The following C15orf39 variants were observed in gnomAD, a reference collection of about 807,000 sequenced individuals.
C15orf39 encodes PRMT2 interacting protein.
A neutral mutation model predicts 53.9 loss-of-function variants in C15orf39; 24 were observed. The ratio of observed to expected loss-of-function variants is 0.45; its 90% confidence interval spans 0.32 to 0.63. The LOEUF (loss-of-function observed/expected upper bound fraction) is 0.63. Ranked by LOEUF, C15orf39 falls within the 20% of genes least tolerant of loss-of-function variation. The pLI, the probability that C15orf39 is intolerant of heterozygous loss-of-function variation, is 0.04. For missense variants in C15orf39, 1,271 were observed against 1,347.9 expected (o/e 0.94, Z 0.89); for synonymous variants, 569 against 576.5 (o/e 0.99, Z 0.19).
At position 75,206,336 on chromosome 15, in the gene C15orf39, G is replaced by A. The variant is rs200766020; in HGVS notation, c.288G>A (p.Ser96=). The change falls in exon 2 of 3, where the codon TCG becomes TCA. Residue 96 remains serine, a synonymous_variant. Coordinates refer to ENST00000394987, the MANE Select transcript of C15orf39 (RefSeq NM_015492.5). ...NLLTNCLFYR[S]PAEGPEKMQD... ...TGACCAACTGCCTGTTCTACCGCTC[G>A]CCAGCAGAAGGCCCTGAGAAGATGC... 2.2e-5 allele frequency: 36 copies of A among 1,614,034 alleles called. No individual in the cohort carries two copies. Among genetic ancestry groups the A allele is most frequent in the Admixed American group, 5.0e-5 (3 of 60,002 alleles).
In C15orf39 at chr15:75,210,761, C is replaced by T; in HGVS notation, c.2789C>T (p.Thr930Ile). ...CVRRQLGDFDTEAGAVSSSEP... is the reference protein window; with the variant it reads ...CVRRQLGDFDIEAGAVSSSEP... ...GTTCGTTTTCCAGGTGACTTTGACACTGAGGCTGGAGCTGTGTCCTCCTCA... is the reference window on the plus strand; with the variant it reads ...GTTCGTTTTCCAGGTGACTTTGACATTGAGGCTGGAGCTGTGTCCTCCTCA... Residue 930 changes from threonine (T) to isoleucine (I), a missense_variant, in exon 3 of 3, where the codon ACT becomes ATT. Thr to Ile is a moderately conservative substitution (Grantham distance 89, BLOSUM62 -1). Transcript: ENST00000394987. 1 of 1,601,222 alleles carries T rather than the reference C, an allele frequency of 6.2e-7. No individual in the cohort carries two copies. Among genetic ancestry groups the T allele is most frequent in the Non-Finnish European group, 8.5e-7 (1 of 1,170,190 alleles).
Position 75,206,488 on chromosome 15 carries a change from G to A in C15orf39, c.440G>A (p.Gly147Glu). Residue 147 changes from glycine (G) to glutamate (E), a missense_variant, in exon 2 of 3, where the codon GGG becomes GAG. Coordinates refer to ENST00000394987, the MANE Select transcript of C15orf39 (RefSeq NM_015492.5). ...TGCTATGGGCTCTCAACTTGTCTGGGGGAAGGAGCAGTGAAGAGGCCACTG... is the reference window on the plus strand; with the variant it reads ...TGCTATGGGCTCTCAACTTGTCTGGAGGAAGGAGCAGTGAAGAGGCCACTG... ...PLCYGLSTCL[G>E]EGAVKRPLDV... is the part of the protein sequence containing the mutation. 1 of 1,614,048 alleles carries A rather than the reference G, an allele frequency of 6.2e-7. No individual in the cohort carries two copies. The highest frequency in any genetic ancestry group is 8.5e-7 in the Non-Finnish European group (1 of 1,179,992).
chr15:75,206,865 C>T lies in C15orf39; in HGVS notation c.817C>T (p.His273Tyr), dbSNP rs1281183003. The change falls in exon 2 of 3, where the codon CAC becomes TAC. Residue 273 changes from histidine to tyrosine, a missense_variant. Physicochemically the swap from His to Tyr is moderately conservative, Grantham distance 83. Transcript: ENST00000394987. ...CGGGCCCACCCACTACCCACCACCCCACCACCCACCACCCCACCCTCCACA... is the reference window on the plus strand; with the variant it reads ...CGGGCCCACCCACTACCCACCACCCTACCACCCACCACCCCACCCTCCACA... ...DTGPTHYPPP[H>Y]HPPPHPPQAL... 1.3e-6 allele frequency: 2 copies of T among 1,482,716 alleles called. No individual in the cohort carries two copies. The highest frequency in any genetic ancestry group is 4.9e-5 in the East Asian group (2 of 40,480). The allele number at this position is 1,482,716 out of a possible 1,614,324, so 91.8% of individuals were successfully genotyped here.
Position 75,208,713 on chromosome 15 carries a change from C to T in C15orf39, c.2665C>T (p.Leu889=). 4 of 1,607,264 alleles carry T rather than the reference C, an allele frequency of 2.5e-6. No homozygotes were observed. Among genetic ancestry groups the T allele is most frequent in the Non-Finnish European group, 3.4e-6 (4 of 1,179,662 alleles). The change falls in exon 2 of 3, where the codon CTG becomes TTG. Residue 889 remains leucine, a synonymous_variant. Transcript: ENST00000394987. The part of the protein sequence containing the change: ...SEERALRELA[L]PGCTSRMLKL... ...GGAGCGGGCACTGCGGGAGCTCGCC[C>T]TGCCAGGCTGCACCTCACGCATGCT... is the stretch of plus-strand genomic sequence containing the variant.
At chr15:75,204,895 G>A (rs925189229) in intron 1 of C15orf39, among the ~76,000 whole-genome samples, 6 of 152,192 alleles carry the variant, frequency 3.9e-5, no homozygotes. Context: ...GCAGCTTGGG[G>A]GCTGGGGGTG....
chr15:75,208,817 C>T lies in C15orf39; in HGVS notation c.2769C>T (p.Arg923=), dbSNP rs187734697. 223 of 1,594,380 alleles carry T rather than the reference C, an allele frequency of 1.4e-4. 1 individual carries two copies. In the East Asian group the frequency reaches 4.6e-3, roughly 33 times the overall value. ...LGLQWRDCVR[R]QLGDFDTEAG... is the part of the protein sequence containing the mutation. Reference sequence around the variant, plus strand: ...TGCAGTGGCGCGACTGTGTACGCCGCCAGCTGGGTGAGCATGGGGCAGCCC... The same window carrying T: ...TGCAGTGGCGCGACTGTGTACGCCGTCAGCTGGGTGAGCATGGGGCAGCCC... The change falls in exon 2 of 3, where the codon CGC becomes CGT. Residue 923 remains arginine, a synonymous_variant. Transcript: ENST00000394987.
chr15:75,210,795 T>C lies in C15orf39; in HGVS notation c.2823T>C (p.Thr941=). The C allele has an allele frequency of 3.1e-6, 5 of 1,613,760 alleles. No individual in the cohort carries two copies. The highest frequency in any genetic ancestry group is 4.2e-6 in the Non-Finnish European group (5 of 1,179,828). ...EAGAVSSSEP[T]VARGEPESLA... is the part of the protein sequence containing the mutation. ...GAGCTGTGTCCTCCTCAGAGCCCAC[T>C]GTGGCCAGAGGTGAGCCAGAGAGCC... The change falls in exon 3 of 3, where the codon ACT becomes ACC. Residue 941 remains threonine (T), a synonymous_variant. Transcript: ENST00000394987.
Position 75,207,468 on chromosome 15 carries a change from C to T in C15orf39, c.1420C>T (p.Pro474Ser). ...AGACAGTCCAGTTCCCTGTACCCCC[C>T]CAGCACTGCCCCCCTGTGCCCGGGA... Reference protein sequence around the residue: ...IRDSPVPCTPPALPPCARECQ... With the variant: ...IRDSPVPCTPSALPPCARECQ... Residue 474 changes from proline (P) to serine (S), a missense_variant, in exon 2 of 3, where the codon CCA becomes TCA. Pro to Ser is a moderately conservative substitution (Grantham distance 74, BLOSUM62 -1). Transcript: ENST00000394987. 6.2e-7 allele frequency: 1 copy of T among 1,613,674 alleles called. No individual in the cohort carries two copies. The highest frequency in any genetic ancestry group is 1.1e-5 in the South Asian group (1 of 91,082).
chr15:75,207,740 A>G lies in C15orf39; in HGVS notation c.1692A>G (p.Leu564=), dbSNP rs2070451593. ...AGGGCCCCTCAGGGAGTAAACCCCT[A>G]AGGGGCTCACTTAAGGAGGAGGTAG... ...AQEGPSGSKP[L]RGSLKEEVAL... is the part of the protein sequence containing the mutation. Residue 564 remains leucine, a synonymous_variant, in exon 2 of 3, where the codon CTA becomes CTG. Transcript: ENST00000394987. 6.2e-7 allele frequency: 1 copy of G among 1,607,366 alleles called. No homozygotes were observed. The highest frequency in any genetic ancestry group is 8.5e-7 in the Non-Finnish European group (1 of 1,176,712).
rs202107389 is a variant in C15orf39 at position 75,211,037 on chromosome 15, C to T, written c.3065C>T (p.Thr1022Ile). The T allele has an allele frequency of 2.5e-5, 41 of 1,608,366 alleles. No individual in the cohort carries two copies. In the East Asian group the frequency reaches 5.6e-4, roughly 22 times the overall value. Residue 1022 changes from threonine to isoleucine, a missense_variant, in exon 3 of 3, where the codon ACC (threonine) becomes ATC (isoleucine). Transcript: ENST00000394987. ...TAWLNGLALP[T>I]WGHKSSRPDQ... ...TGGCTCAATGGCCTGGCTCTGCCCA[C>T]CTGGGGCCACAAGTCCTCAAGACCA...
chr15:75,206,366 C>T lies in C15orf39; in HGVS notation c.318C>T (p.Asp106=). The part of the protein sequence containing the change: ...SPAEGPEKMQ[D]SSPVELLPFS... ...CAGAAGGCCCTGAGAAGATGCAGGA[C>T]TCCAGCCCTGTTGAGCTCCTGCCCT... is the stretch of plus-strand genomic sequence containing the variant. The change falls in exon 2 of 3, where the codon GAC becomes GAT. Residue 106 remains aspartate, a synonymous_variant. Coordinates refer to ENST00000394987, the MANE Select transcript of C15orf39 (RefSeq NM_015492.5). 1 of 1,614,100 alleles carries T rather than the reference C, an allele frequency of 6.2e-7. No homozygotes were observed.
Position 75,208,059 on chromosome 15 carries a change from C to G in C15orf39, c.2011C>G (p.Pro671Ala). Residue 671 changes from proline to alanine, a missense_variant, in exon 2 of 3, where the codon CCC becomes GCC. Transcript: ENST00000394987. Reference protein sequence around the residue: ...PLPAAVVPSTPTSAPAPTQPA... With the variant: ...PLPAAVVPSTATSAPAPTQPA... ...GCCTGCAGCCGTGGTCCCGTCCACG[C>G]CCACCTCAGCTCCTGCTCCCACACA... The G allele has an allele frequency of 6.2e-7, 1 of 1,614,102 alleles. No individual in the cohort carries two copies. Among genetic ancestry groups the G allele is most frequent in the South Asian group, 1.1e-5 (1 of 91,092 alleles).
rs1428793979 is a variant in C15orf39 at position 75,208,456 on chromosome 15, C to T, written c.2408C>T (p.Ala803Val). The part of the protein sequence containing the change: ...WLETAGPWGQ[A>V]AWQDCQGVQG... ...GAGACGGCTGGGCCCTGGGGCCAGG[C>T]TGCGTGGCAGGACTGCCAGGGTGTG... Residue 803 changes from alanine (A) to valine (V), a missense_variant, in exon 2 of 3, where the codon GCT becomes GTT. By Grantham distance (64) the Ala-to-Val change is moderately conservative. Transcript: ENST00000394987. The T allele has an allele frequency of 6.2e-7, 1 of 1,603,310 alleles. No individual in the cohort carries two copies. The highest frequency in any genetic ancestry group is 1.3e-5 in the African/African-American group (1 of 74,874).
chr15:75,208,189 T>C lies in C15orf39; in HGVS notation c.2141T>C (p.Val714Ala). 1.2e-6 allele frequency: 2 copies of C among 1,613,792 alleles called. No homozygotes were observed. The highest frequency in any genetic ancestry group is 1.3e-5 in the African/African-American group (1 of 74,992). Residue 714 changes from valine to alanine, a missense_variant, in exon 2 of 3, where the codon GTA becomes GCA. By Grantham distance (64) the Val-to-Ala change is moderately conservative (BLOSUM62 0). Around this residue, in one of 2 missense-constraint regions of C15orf39, gnomAD observed 994 missense variants for 993.7 expected, o/e 1.00. Transcript: ENST00000394987. Reference sequence around the variant, plus strand: ...CTGGCACTGCCCAGCCCTCCAGCCGTAGCTGTGGCCTCCCCTGCCCCTGCT... The same window carrying C: ...CTGGCACTGCCCAGCCCTCCAGCCGCAGCTGTGGCCTCCCCTGCCCCTGCT... ...FSLALPSPPA[V>A]AVASPAPAPA... is the part of the protein sequence containing the mutation.
chr15:75,201,981 CGCG>C lies in C15orf39; in HGVS notation c.-126_-124del, dbSNP rs2141593893. ...CGCAGGGCCCGGTCGGACTAGGACCCGCGGCCTGAGAGACGCTGGAGGATGCGG... is the reference window on the plus strand; with the variant it reads ...CGCAGGGCCCGGTCGGACTAGGACCCGCCTGAGAGACGCTGGAGGATGCGG... On this transcript the variant is annotated 5_prime_UTR_variant, in exon 1 of 3. Transcript: ENST00000394987. The surrounding 1 kb of genome is among the most constrained non-coding windows in gnomAD (Gnocchi z 4.7). The C allele has an allele frequency of 6.6e-6, 1 of 152,194 alleles. No homozygotes were observed. The highest frequency in any genetic ancestry group is 2.4e-5 in the African/African-American group (1 of 41,552). The allele number at this position is 152,194 out of a possible 1,614,324, so 9.4% of individuals were successfully genotyped here.
chr15:75,211,226 G>A lies in C15orf39; in HGVS notation c.*110G>A, dbSNP rs1018452677. 1.9e-5 allele frequency: 27 copies of A among 1,433,136 alleles called. No homozygotes were observed. The Admixed American group carries it at 6.1e-4, about 32-fold the overall frequency. 88.8% of individuals were successfully genotyped at this position (1,433,136 alleles called of 1,614,324 possible). A position where few individuals can be genotyped will look rare whatever the true frequency, so the allele number is the denominator to read the frequency against. ...TGCTGGGGCTGTGGCTGCTCCCCTG[G>A]AGGGGTTCCATCTCTGACCCTGTGG... On this transcript the variant is annotated 3_prime_UTR_variant, in exon 3 of 3. Coordinates refer to ENST00000394987, the MANE Select transcript of C15orf39 (RefSeq NM_015492.5).
rs766669263 is a variant in C15orf39, at chr15:75,210,725, GCTGA to G, written c.2777-21_2777-18del. The G allele has an allele frequency of 2.5e-5, 40 of 1,582,558 alleles. No homozygotes were observed. Among genetic ancestry groups the G allele is most frequent in the South Asian group, 1.7e-4 (15 of 87,984 alleles). On this transcript the variant is annotated intron_variant, in intron 2 of 2. Coordinates refer to ENST00000394987, the MANE Select transcript of C15orf39 (RefSeq NM_015492.5). The stretch of plus-strand genomic sequence containing the variant: ...GGACCTGAGGGTATGGGGTCTGCAG[GCTGA>G]CTATGTGTTCGTTTTCCAGGTGACT...
In C15orf39 at chr15:75,208,904, G is replaced by A. The variant is rs772019397; in HGVS notation, c.2776+80G>A. 5.3e-6 allele frequency: 8 copies of A among 1,507,228 alleles called. No individual in the cohort carries two copies. The African/African-American group carries it at 9.6e-5, about 18-fold the overall frequency. 93.4% of individuals were successfully genotyped at this position (1,507,228 alleles called of 1,614,324 possible). ...GTGTGTGCTGTGTGAGTGCGTCACAGCTGGGGCTGAGTGATTCCAAGGACT... is the reference window on the plus strand; with the variant it reads ...GTGTGTGCTGTGTGAGTGCGTCACAACTGGGGCTGAGTGATTCCAAGGACT... On this transcript the variant is annotated intron_variant, in intron 2 of 2. Transcript: ENST00000394987.
In C15orf39 at chr15:75,207,102, G is replaced by A. The variant is rs776591352; in HGVS notation, c.1054G>A (p.Ala352Thr). The change falls in exon 2 of 3, where the codon GCA becomes ACA. Residue 352 changes from alanine (A) to threonine (T), a missense_variant. Around this residue, in one of 2 missense-constraint regions of C15orf39, gnomAD observed 994 missense variants for 993.7 expected, o/e 1.00. Coordinates refer to ENST00000394987, the MANE Select transcript of C15orf39 (RefSeq NM_015492.5). Reference sequence around the variant, plus strand: ...CCCCTACCCCTCTGCCCCTCTCCCAGCACCCTCTCCAGGCCTCAAGCTGGA... The same window carrying A: ...CCCCTACCCCTCTGCCCCTCTCCCAACACCCTCTCCAGGCCTCAAGCTGGA... ...AYPYPSAPLP[A>T]PSPGLKLEPP... The A allele has an allele frequency of 1.9e-6, 3 of 1,613,264 alleles. No homozygotes were observed. Among genetic ancestry groups the A allele is most frequent in the African/African-American group, 1.3e-5 (1 of 74,958 alleles).
Sources: gnomAD v4.1 joint callset for allele counts (sites outside exome capture counted in the v4.1 genomes callset) on GRCh38, gnomAD v4.1.1 for gene constraint, gnomAD v4.1.1 regional missense constraint, Gnocchi (gnomAD v3.1) non-coding constraint, MANE v1.5 for transcripts, NCBI Gene and HGNC (gene_info 2026-07-23, HGNC 2026-07-21) for gene names.